NTRK3: variants seen among roughly 807,000 people sequenced by gnomAD.
The protein encoded by NTRK3 is NT-3 growth factor receptor.
NTRK3 carries 24 observed loss-of-function variants against 91.7 expected under a neutral mutation model. The observed-to-expected ratio is 0.26, with a 90% CI of 0.19 to 0.37. NTRK3 has a LOEUF of 0.37. Among genes scored for constraint, NTRK3 ranks in the 10% least tolerant of loss-of-function variants. The pLI is 1.00. For missense variants in NTRK3, 880 were observed against 1,068.9 expected (o/e 0.82, Z 2.46); for synonymous variants, 483 against 404.0 (o/e 1.20, Z -2.34).
intron 5 of NTRK3, among the ~76,000 whole-genome samples, chr15:88,149,743 C>A (rs902318075): frequency 2.0e-5 from 3 of 152,224 alleles, no homozygotes; most frequent in African/African-American, 7.2e-5. Context: ...CCCACTGAGT[C>A]ACTAACCACA....
chr15:87,975,603 C>T (rs940941494), intron 14 of NTRK3, among the ~76,000 whole-genome samples: 5 of 152,162 alleles, frequency 3.3e-5, no homozygotes, highest in Non-Finnish European at 7.3e-5. Context: ...TCCGCATCTG[C>T]CCTATACCAG....
chr15:87,944,881 C>T (rs932888286), intron 14 of NTRK3, among the ~76,000 whole-genome samples: 3 of 152,214 alleles, frequency 2.0e-5, no homozygotes, highest in Non-Finnish European at 2.9e-5. Context: ...GACGTCCACG[C>T]GTCTATTTGG....
At chr15:88,049,453 T>A (rs1435268263) in intron 13 of NTRK3, among the ~76,000 whole-genome samples, 1 of 152,236 alleles carries the variant, frequency 6.6e-6, no homozygotes, top group Non-Finnish European at 1.5e-5. Flanking sequence ...AATTTTAAAG[T>A]GTCCACTTCA....
At chr15:87,953,798 T>C (rs2071385111) in intron 14 of NTRK3, among the ~76,000 whole-genome samples, 2 of 151,086 alleles carry the variant, frequency 1.3e-5, no homozygotes, top group South Asian at 4.2e-4. Flanking sequence ...TCAGAAGAGA[T>C]TGCTGCTTCA....
At chr15:88,136,792 A>G (rs1330000234) in intron 7 of NTRK3, among the ~76,000 whole-genome samples, 183 bp from the exon 8 acceptor site, 1 of 152,210 alleles carries the variant, frequency 6.6e-6, no homozygotes, top group African/African-American at 2.4e-5. Context: ...AGTAGACATC[A>G]GAACTCAGAA....
chr15:87,904,008 C>A (rs2066603572), intron 17 of NTRK3, among the ~76,000 whole-genome samples: 1 of 152,092 alleles, frequency 6.6e-6, no homozygotes, highest in Non-Finnish European at 1.5e-5. Flanking sequence ...TCCTTGTGTA[C>A]CCTGGACATG....
intron 3 of NTRK3, among the ~76,000 whole-genome samples, chr15:88,191,447 G>A (rs745758562): frequency 4.6e-5 from 7 of 152,046 alleles, no homozygotes; most frequent in African/African-American, 9.7e-5. Flanking sequence ...CTAGGCCTCC[G>A]GATGTTTTTT....
chr15:88,060,219 A>T (rs2046087791), intron 13 of NTRK3, among the ~76,000 whole-genome samples: 1 of 148,520 alleles, frequency 6.7e-6, no homozygotes. Context: ...CATCTCTACT[A>T]AAAAAAATAC....
At chr15:88,097,372 G>A (rs985401490) in intron 13 of NTRK3, among the ~76,000 whole-genome samples, 1 of 152,162 alleles carries the variant, frequency 6.6e-6, no homozygotes, top group African/African-American at 2.4e-5. Context: ...GTCTACCTGA[G>A]TAACTCCTAG....
intron 13 of NTRK3, among the ~76,000 whole-genome samples, chr15:88,091,146 G>A (rs752241662): frequency 4.6e-5 from 7 of 152,112 alleles, no homozygotes; most frequent in Non-Finnish European, 5.9e-5. Context: ...TTGGGAACCC[G>A]TTTTACTACC....
chr15:88,157,334 G>C (rs1450384658), intron 5 of NTRK3, among the ~76,000 whole-genome samples: 1 of 151,874 alleles, frequency 6.6e-6, no homozygotes, highest in African/African-American at 2.4e-5. Flanking sequence ...AACACACTGA[G>C]AACTCTTCTT....
At chr15:88,084,106 T>G (rs1165859307) in intron 13 of NTRK3, among the ~76,000 whole-genome samples, 1 of 150,920 alleles carries the variant, frequency 6.6e-6, no homozygotes, top group Non-Finnish European at 1.5e-5. Flanking sequence ...TTTTTTAAGG[T>G]CTTAAAACTC....
intron 15 of NTRK3, among the ~76,000 whole-genome samples, chr15:87,936,213 G>T (rs539050602): frequency 7.9e-5 from 12 of 152,296 alleles, no homozygotes; most frequent in African/African-American, 2.4e-4. Flanking sequence ...CATGCATCTT[G>T]CCAAGAGGTC....
At chr15:87,893,442 C>T (rs1041610587) in intron 17 of NTRK3, among the ~76,000 whole-genome samples, 5 of 152,202 alleles carry the variant, frequency 3.3e-5, no homozygotes, top group African/African-American at 4.8e-5. Flanking sequence ...CAGAATGCCC[C>T]GCATGGCAGT....
At chr15:88,004,491 T>C (rs1251618465) in intron 14 of NTRK3, among the ~76,000 whole-genome samples, 3 of 152,168 alleles carry the variant, frequency 2.0e-5, no homozygotes, top group Non-Finnish European at 4.4e-5. Context: ...AAAGTATTCC[T>C]TGAGGATGTG....
intron 13 of NTRK3, among the ~76,000 whole-genome samples, chr15:88,078,833 T>C (rs1482952233): frequency 6.6e-6 from 1 of 152,172 alleles, no homozygotes; most frequent in African/African-American, 2.4e-5. Flanking sequence ...TTCTTCTATA[T>C]CTGGGCAACA....
intron 13 of NTRK3, among the ~76,000 whole-genome samples, chr15:88,081,970 G>A (rs963560846): frequency 6.6e-6 from 1 of 152,104 alleles, no homozygotes; most frequent in Non-Finnish European, 1.5e-5. Flanking sequence ...CTCCCCCTGG[G>A]CTCTGCCCTC....
intron 14 of NTRK3, among the ~76,000 whole-genome samples, chr15:88,003,130 T>C (rs1314805730): frequency 2.0e-5 from 3 of 152,236 alleles, no homozygotes; most frequent in Non-Finnish European, 4.4e-5. Context: ...ACTAATTCTT[T>C]ACAAGGCAAT....
chr15:87,977,977 C>T (rs778498152), intron 14 of NTRK3: 2 of 232,974 alleles, frequency 8.6e-6, no homozygotes, highest in Non-Finnish European at 1.7e-5. Context: ...CACCTTTTTC[C>T]CCCACAAGCC....
Sources: allele counts gnomAD v4.1 joint callset (sites outside exome capture counted in the v4.1 genomes callset), GRCh38; gene constraint gnomAD v4.1.1; transcripts MANE v1.5; gene names NCBI Gene and HGNC (gene_info 2026-07-23, HGNC 2026-07-21).